The following PRPF18 variants were observed in gnomAD, a reference collection of about 807,000 sequenced individuals.
PRPF18 encodes pre-mRNA-splicing factor 18.
A neutral mutation model predicts 46.5 loss-of-function variants in PRPF18; 38 were observed. The ratio of observed to expected loss-of-function variants is 0.82; its 90% CI spans 0.63 to 1.07. The LOEUF (loss-of-function observed/expected upper bound fraction) is 1.07, where lower values mean the gene tolerates loss of function less well. Ranked by LOEUF, PRPF18 falls within the 50% of genes least tolerant of loss-of-function variation. The pLI, the probability that PRPF18 is intolerant of heterozygous loss-of-function variation, is 0.00. For missense variants in PRPF18, 263 were observed against 410.0 expected (o/e 0.64, Z 3.10); for synonymous variants, 152 against 146.7 (o/e 1.04, Z -0.26).
intron 7 of PRPF18, 30 bp from the exon 8 acceptor site, chr10:13,613,985 C>A: frequency 6.4e-7 from 1 of 1,550,916 alleles, no homozygotes; most frequent in Non-Finnish European, 8.8e-7. Flanking sequence ...TACATAGTAG[C>A]TTCCAAAATT....
intron 1 of PRPF18, among the ~76,000 whole-genome samples, chr10:13,596,627 C>T (rs932923871): frequency 3.9e-5 from 6 of 152,128 alleles, no homozygotes; most frequent in Non-Finnish European, 8.8e-5. Context: ...AACAAGCCTC[C>T]AAATTACGGA....
intron 1 of PRPF18, among the ~76,000 whole-genome samples, chr10:13,595,875 A>G (rs1380055889): frequency 6.6e-6 from 1 of 152,210 alleles, no homozygotes; most frequent in Non-Finnish European, 1.5e-5. Context: ...AAATTTTATG[A>G]TGAGCCCCTG....
At chr10:13,593,697 C>T (rs1589117390) in intron 1 of PRPF18, among the ~76,000 whole-genome samples, 1 of 152,078 alleles carries the variant, frequency 6.6e-6, no homozygotes, top group East Asian at 1.9e-4. Context: ...AAGGGATTTG[C>T]CCTAGACAGA....
At chr10:13,618,350 G>A (rs531050387) in intron 9 of PRPF18, among the ~76,000 whole-genome samples, 2 of 152,214 alleles carry the variant, frequency 1.3e-5, no homozygotes, top group Admixed American at 1.3e-4. Context: ...ATTAGAGGCT[G>A]AGCATGGTGG....
In PRPF18 at chr10:13,591,885, C is replaced by T. The variant is rs763097640; in HGVS notation, c.66+4733C>T. On this transcript the variant is annotated intron_variant, in intron 1 of 9. Coordinates refer to ENST00000378572, the MANE Select transcript of PRPF18 (RefSeq NM_003675.4). ...CAGTGAGGATGATCAGAACGTTCCCCGGGGTAATGCTGGTTCGCAGTTTTC... is the reference window on the plus strand; with the variant it reads ...CAGTGAGGATGATCAGAACGTTCCCTGGGGTAATGCTGGTTCGCAGTTTTC... The T allele has an allele frequency of 4.0e-5, 57 of 1,417,934 alleles. No individual in the cohort carries two copies. In the Middle Eastern group the frequency reaches 5.9e-4, roughly 15 times the overall value. 87.8% of individuals were successfully genotyped at this position (1,417,934 alleles called of 1,614,324 possible). A position where few individuals can be genotyped will look rare whatever the true frequency, so the allele number is the denominator to read the frequency against.
chr10:13,651,880 G>A, the PRPF18 span: 37 of 1,262,566 alleles, frequency 2.9e-5, no homozygotes, highest in Middle Eastern at 3.7e-4. Flanking sequence ...TGGGCAGTAG[G>A]AACAAAACTC....
chr10:13,633,900 G>C (rs1219860637), downstream of PRPF18, among the ~76,000 whole-genome samples: 2 of 152,176 alleles, frequency 1.3e-5, no homozygotes, highest in East Asian at 3.8e-4. Context: ...GTCCCCAGAG[G>C]GTTGCTATGG....
the PRPF18 span, chr10:13,651,689 TG>T: frequency 7.0e-6 from 4 of 568,740 alleles, no homozygotes; most frequent in Non-Finnish European, 1.3e-5. Flanking sequence ...AAACATACTC[TG>T]GGGGTCTTTT....
chr10:13,631,809 A>G (rs576217599), downstream of PRPF18: 8 of 152,372 alleles, frequency 5.3e-5, no homozygotes, highest in African/African-American at 1.9e-4. Context: ...GGTGGAAGCT[A>G]GATGTCACCA....
At chr10:13,649,784 T>C in the PRPF18 span, 1 of 152,222 alleles carries the variant, frequency 6.6e-6, no homozygotes, top group East Asian at 1.9e-4. Context: ...AGTCAAGGAA[T>C]GCCATGTGCT....
chr10:13,621,293 C>T (rs2133917687), intron 9 of PRPF18, among the ~76,000 whole-genome samples: 1 of 152,338 alleles, frequency 6.6e-6, no homozygotes, highest in East Asian at 1.9e-4. Flanking sequence ...CACCCTTGCC[C>T]TGTGGCTTCT....
the PRPF18 span, chr10:13,649,439 T>A: frequency 1.6e-5 from 2 of 127,270 alleles, no homozygotes; most frequent in African/African-American, 5.4e-5. Context: ...ATCGGGAGGA[T>A]CTGGATGATG....
At chr10:13,610,377 C>G (rs2080253433) in intron 5 of PRPF18, among the ~76,000 whole-genome samples, 192 bp downstream of exon 5, 1 of 152,202 alleles carries the variant, frequency 6.6e-6, no homozygotes, top group Non-Finnish European at 1.5e-5. Flanking sequence ...TTCCTGCCTT[C>G]AAAAGGAACC....
At chr10:13,590,586 A>G (rs1375809637) in intron 1 of PRPF18, among the ~76,000 whole-genome samples, 1 of 149,888 alleles carries the variant, frequency 6.7e-6, no homozygotes, top group Non-Finnish European at 1.5e-5. Flanking sequence ...GTGCCACTGC[A>G]CTGCAGCCTG....
chr10:13,654,276 G>A, the PRPF18 span: 1 of 689,100 alleles, frequency 1.5e-6, no homozygotes, highest in Non-Finnish European at 2.6e-6. Flanking sequence ...CAGATCATGG[G>A]GCTTCTCTTG....
At chr10:13,617,948 G>A (rs575004625) in intron 9 of PRPF18, among the ~76,000 whole-genome samples, 4 of 152,274 alleles carry the variant, frequency 2.6e-5, no homozygotes, top group Admixed American at 2.6e-4. Context: ...TATTCTTGTG[G>A]ATAGGGCAAA....
Position 13,593,722 on chromosome 10 carries a change from C to G in PRPF18, c.67-3736C>G, listed in dbSNP as rs1366602854. On this transcript the variant is annotated intron_variant, in intron 1 of 9. Transcript: ENST00000378572. Reference sequence around the variant, plus strand: ...CCCTAGACAGACAGAGGAGGGTTCTCTGTTTCACTGTGAAATGAAAGGACC... The same window carrying G: ...CCCTAGACAGACAGAGGAGGGTTCTGTGTTTCACTGTGAAATGAAAGGACC... 2.0e-5 allele frequency among the ~76,000 whole-genome samples: 3 copies of G among 152,280 alleles called. No homozygotes were observed. The East Asian group carries it at 5.8e-4, about 29-fold the overall frequency.
At chr10:13,640,285 A>C in the PRPF18 span, 4 of 102,470 alleles carry the variant, frequency 3.9e-5, no homozygotes, top group Non-Finnish European at 8.9e-5. Context: ...CTACCTCTTC[A>C]CTATCTGTTG....
At position 13,614,063 on chromosome 10, in the gene PRPF18, A is replaced by T; in HGVS notation, c.769A>T (p.Met257Leu). Residue 257 changes from methionine (M) to leucine (L), a missense_variant, in exon 8 of 10, where the codon ATG becomes TTG. Physicochemically the swap from Met to Leu is conservative, Grantham distance 15. Coordinates refer to ENST00000378572, the MANE Select transcript of PRPF18 (RefSeq NM_003675.4). Reference sequence around the variant, plus strand: ...ATCAATAACGGATATTATTAAATTCATGTTGCAGAGAGAATACGTGAAGGT... The same window carrying T: ...ATCAATAACGGATATTATTAAATTCTTGTTGCAGAGAGAATACGTGAAGGT... ...KESITDIIKF[M>L]LQREYVKAND... 1 of 1,586,768 alleles carries T rather than the reference A, an allele frequency of 6.3e-7. No homozygotes were observed. The highest frequency in any genetic ancestry group is 8.6e-7 in the Non-Finnish European group (1 of 1,164,004).
Sources: allele counts gnomAD v4.1 joint callset (sites outside exome capture counted in the v4.1 genomes callset), GRCh38; gene constraint gnomAD v4.1.1; transcripts MANE v1.5; gene names NCBI Gene and HGNC (gene_info 2026-07-23, HGNC 2026-07-21).